Variants in MEGF10 observed in about 807,000 individuals in gnomAD.
MEGF10 encodes multiple EGF like domains 10.
In MEGF10, 86 loss-of-function variants were observed where a neutral mutation model predicts 147.5. The observed-to-expected ratio is 0.58, with a 90% CI of 0.49 to 0.70. The LOEUF is 0.70. MEGF10 is among the 30% of genes least tolerant of loss of function. The probability of loss-of-function intolerance (pLI) is 0.00; values close to 1 mark genes in which losing one functional copy is unlikely to be tolerated. For missense variants in MEGF10, 1,329 were observed against 1,487.3 expected (o/e 0.89, Z 1.75); for synonymous variants, 478 against 525.5 (o/e 0.91, Z 1.24).
rs188223670 is a variant in MEGF10, at chr5:127,324,526, T to C, written c.-18-6765T>C. Among the ~76,000 whole-genome samples, 10 of 152,212 alleles carry C rather than the reference T, an allele frequency of 6.6e-5. No homozygotes were observed. The East Asian group carries it at 9.7e-4, about 15-fold the overall frequency. On this transcript the variant is annotated intron_variant, in intron 1 of 24. Transcript: ENST00000503335. ...CCAGTCCTGCTGATTCTTTCTCTCA[T>C]TGGTTTCTCACATACTTCCGATTCC... is the stretch of plus-strand genomic sequence containing the variant.
chr5:127,380,079 T>TTC (rs1763193462), intron 5 of MEGF10, among the ~76,000 whole-genome samples: 2 of 151,640 alleles, frequency 1.3e-5, no homozygotes, highest in Non-Finnish European at 2.9e-5. Context: ...TTTTTTTTTT[T>TTC]CTTGTCTGTC....
At chr5:127,428,914 C>T (rs1313695547) in intron 13 of MEGF10, among the ~76,000 whole-genome samples, 4 of 152,192 alleles carry the variant, frequency 2.6e-5, no homozygotes, top group East Asian at 1.9e-4. Context: ...ATTAATTGCA[C>T]GAACATTTCT....
At chr5:127,374,197 C>A (rs910073151) in intron 5 of MEGF10, among the ~76,000 whole-genome samples, 1 of 152,198 alleles carries the variant, frequency 6.6e-6, no homozygotes, top group African/African-American at 2.4e-5. Context: ...CAGCTATTGG[C>A]ACTGCGCTTA....
intron 4 of MEGF10, among the ~76,000 whole-genome samples, chr5:127,359,318 T>C (rs2126836893): frequency 6.6e-6 from 1 of 152,178 alleles, no homozygotes. Flanking sequence ...GCTCTTTGCC[T>C]TTCTGTAAAA....
intron 5 of MEGF10, among the ~76,000 whole-genome samples, chr5:127,389,362 T>C (rs10041484): frequency 0.73 from 111,261 of 152,082 alleles, 41,362 homozygotes; most frequent in Middle Eastern, 0.86. Context: ...AACAGTGTGG[T>C]GATTCCTCAA....
intron 4 of MEGF10, among the ~76,000 whole-genome samples, chr5:127,344,069 T>G (rs927938851): frequency 1.3e-5 from 2 of 152,200 alleles, no homozygotes; most frequent in African/African-American, 4.8e-5. Context: ...TGTTCCTTTA[T>G]CGTAGTCATT....
chr5:127,435,326 T>C (rs775999553), intron 15 of MEGF10, 35 bp from the exon 16 acceptor site: 1 of 1,611,022 alleles, frequency 6.2e-7, no homozygotes, highest in Non-Finnish European at 8.5e-7. Context: ...AGAGGGGTTT[T>C]GATTGTGAGT....
At chr5:127,412,125 T>C (rs1374655235) in intron 9 of MEGF10, among the ~76,000 whole-genome samples, 1 of 152,248 alleles carries the variant, frequency 6.6e-6, no homozygotes, top group East Asian at 1.9e-4. Flanking sequence ...AGCATATATG[T>C]GTTAACAAAG....
intron 3 of MEGF10, among the ~76,000 whole-genome samples, 183 bp downstream of exon 3, chr5:127,339,404 C>G (rs1761593972): frequency 6.6e-6 from 1 of 152,118 alleles, no homozygotes; most frequent in African/African-American, 2.4e-5. Flanking sequence ...AGCCCATGCC[C>G]TAAAGGAGCT....
chr5:127,401,815 G>T (rs1164432540), intron 7 of MEGF10, among the ~76,000 whole-genome samples: 1 of 152,164 alleles, frequency 6.6e-6, no homozygotes, highest in African/African-American at 2.4e-5. Flanking sequence ...TAATGACTGT[G>T]CTTGACAAGA....
the MEGF10 span, among the ~76,000 whole-genome samples, chr5:127,260,836 T>G: frequency 6.6e-6 from 1 of 152,194 alleles, no homozygotes; most frequent in Admixed American, 6.5e-5. Context: ...TGTTAGTCAG[T>G]GCTCAGGAAC....
At chr5:127,363,669 G>A (rs371170676) in intron 4 of MEGF10, among the ~76,000 whole-genome samples, 8 of 152,312 alleles carry the variant, frequency 5.3e-5, no homozygotes, top group African/African-American at 1.9e-4. Flanking sequence ...AATTGGCAAT[G>A]TCTGCCAAAG....
chr5:127,239,235 A>T, the MEGF10 span, among the ~76,000 whole-genome samples: 2 of 151,786 alleles, frequency 1.3e-5, no homozygotes, highest in African/African-American at 2.4e-5. Context: ...GGGGGAAAAA[A>T]CAGCTATACA....
chr5:127,257,109 A>G, the MEGF10 span, among the ~76,000 whole-genome samples: 1 of 152,130 alleles, frequency 6.6e-6, no homozygotes, highest in Non-Finnish European at 1.5e-5. Flanking sequence ...CATTGTGAGC[A>G]AAGGTTGTCT....
chr5:127,311,860 G>A (rs762294967), intron 1 of MEGF10, among the ~76,000 whole-genome samples: 24 of 152,126 alleles, frequency 1.6e-4, no homozygotes, highest in Non-Finnish European at 2.9e-4. Flanking sequence ...CTGAAATCTC[G>A]TTTGGTGATG....
intron 22 of MEGF10, among the ~76,000 whole-genome samples, chr5:127,453,899 C>A (rs1250004146): frequency 6.6e-6 from 1 of 152,180 alleles, no homozygotes; most frequent in Non-Finnish European, 1.5e-5. Flanking sequence ...TGCCTACATG[C>A]TCAATTTTTC....
chr5:127,416,018 T>C (rs1764754961), intron 9 of MEGF10, among the ~76,000 whole-genome samples: 1 of 147,362 alleles, frequency 6.8e-6, no homozygotes, highest in Non-Finnish European at 1.5e-5. Flanking sequence ...TCAGTTTTTG[T>C]TTTTGTTTTT....
intron 9 of MEGF10, among the ~76,000 whole-genome samples, chr5:127,411,623 T>C (rs1384725924): frequency 1.3e-5 from 2 of 152,230 alleles, no homozygotes; most frequent in Non-Finnish European, 2.9e-5. Flanking sequence ...AAGAAGTGTA[T>C]TCTCAATATG....
the MEGF10 span, among the ~76,000 whole-genome samples, chr5:127,270,226 A>G: frequency 1.3e-5 from 2 of 152,200 alleles, no homozygotes; most frequent in African/African-American, 4.8e-5. Context: ...AAATTCACAC[A>G]TAACAATATT....
Sources: allele counts gnomAD v4.1 joint callset (sites outside exome capture counted in the v4.1 genomes callset), GRCh38; gene constraint gnomAD v4.1.1; transcripts MANE v1.5; gene names NCBI Gene and HGNC (gene_info 2026-07-23, HGNC 2026-07-21).